Variants in MCF2L observed in about 807,000 individuals in gnomAD.
The protein encoded by MCF2L is guanine nucleotide exchange factor DBS.
MCF2L carries 97 observed loss-of-function variants against 153.4 expected under a neutral mutation model. The observed-to-expected ratio is 0.63, with a 90% CI of 0.54 to 0.75. The LOEUF (loss-of-function observed/expected upper bound fraction) is 0.75. Among genes scored for constraint, MCF2L ranks in the 30% least tolerant of loss-of-function variants. MCF2L has a pLI of 0.00. For synonymous variants in MCF2L, 659 were observed against 632.2 expected (o/e 1.04, Z -0.64); for missense variants, 1,347 against 1,495.2 (o/e 0.90, Z 1.64).
chr13:113,076,800 A>G (rs1005588578), intron 12 of MCF2L, among the ~76,000 whole-genome samples: 4 of 152,192 alleles, frequency 2.6e-5, no homozygotes, highest in African/African-American at 9.6e-5. Context: ...ATGCCTGGGG[A>G]AGGCTGCAGG....
intron 1 of MCF2L, among the ~76,000 whole-genome samples, chr13:112,997,890 G>A (rs1046627056): frequency 1.8e-4 from 28 of 152,228 alleles, no homozygotes; most frequent in African/African-American, 5.8e-4. Flanking sequence ...CTCCAGGCAG[G>A]GAGCACCTTC....
intron 5 of MCF2L, 53 bp downstream of exon 5, chr13:113,060,765 C>T: frequency 1.3e-6 from 2 of 1,597,394 alleles, no homozygotes; most frequent in Non-Finnish European, 1.7e-6. Context: ...TCATTGCCGT[C>T]CTGGCCCATC....
At chr13:112,957,291 T>A (rs1423967647) in intron 2 of MCF2L, 2 of 152,216 alleles carry the variant, frequency 1.3e-5, no homozygotes, top group Non-Finnish European at 2.9e-5. Context: ...CCTGGTTTCC[T>A]TTTAGAGGAC....
rs115840877 is a variant in MCF2L, at chr13:113,002,208, G to A, written c.80-12555G>A. Among the ~76,000 whole-genome samples the A allele has an allele frequency of 2.5e-3, 387 of 152,300 alleles. 1 individual carries two copies. The highest frequency in any genetic ancestry group is 8.5e-3 in the African/African-American group (352 of 41,582). ...GGGAAGGTGTGCACGGGCCTTGCCC[G>A]ATGGATGGTTTAGGGCCATGGCCCT... On this transcript the variant is annotated intron_variant, in intron 1 of 29. Coordinates refer to ENST00000535094, the MANE Select transcript of MCF2L (RefSeq NM_001112732.3).
In MCF2L at chr13:113,074,081, T is replaced by C. The variant is rs74115782; in HGVS notation, c.997-363T>C. Among the ~76,000 whole-genome samples, 6,144 of 152,288 alleles carry C rather than the reference T, an allele frequency of 0.04. 433 individuals carry two copies. The highest frequency in any genetic ancestry group is 0.14 in the African/African-American group (5,729 of 41,520). On this transcript the variant is annotated intron_variant, in intron 9 of 29. Coordinates refer to ENST00000535094, the MANE Select transcript of MCF2L (RefSeq NM_001112732.3). This position sits in a 1 kb window ranked among gnomAD's most constrained non-coding sequence, Gnocchi z 4.2. ...CCAGTAGGAATGCTGACAATTCCAG[T>C]GTCCATATTGCTGCTGGCTTTCGGC...
intron 1 of MCF2L, chr13:113,009,355 G>A (rs929269265): frequency 6.6e-6 from 1 of 152,272 alleles, no homozygotes. Context: ...TTAAGTCACT[G>A]TGTATGTGAC....
At chr13:112,989,572 A>G (rs12874193) in intron 1 of MCF2L, among the ~76,000 whole-genome samples, 1 of 14,768 alleles carries the variant, frequency 6.8e-5, no homozygotes. Context: ...CCTGAGCAGG[A>G]CATGGAGCTA....
upstream of MCF2L, chr13:112,894,373 CG>C (rs2081044768): frequency 6.6e-6 from 1 of 150,642 alleles, no homozygotes; most frequent in African/African-American, 2.5e-5. Context: ...TCAGGACGCG[CG>C]GACACCTGCG....
At chr13:113,029,628 T>C (rs2085520199) in intron 3 of MCF2L, among the ~76,000 whole-genome samples, 3 of 152,142 alleles carry the variant, frequency 2.0e-5, no homozygotes, top group African/African-American at 7.2e-5. Flanking sequence ...AAGTACCCTC[T>C]GCGGGGGACC....
intron 3 of MCF2L, among the ~76,000 whole-genome samples, chr13:113,030,982 C>T (rs1302780772): frequency 5.9e-5 from 9 of 151,958 alleles, no homozygotes; most frequent in East Asian, 3.9e-4. Context: ...CTATGGAGGG[C>T]GTACAGGGCA....
chr13:112,926,647 C>T (rs760235960), intron 2 of MCF2L, among the ~76,000 whole-genome samples: 2 of 152,120 alleles, frequency 1.3e-5, no homozygotes, highest in Admixed American at 6.5e-5. Flanking sequence ...AGGATGAAAC[C>T]GTATCATTTG....
In MCF2L at chr13:112,941,640, G is replaced by C. The variant is rs779459387; in HGVS notation, c.169+39269G>C. Among the ~76,000 whole-genome samples the C allele has an allele frequency of 6.6e-6, 1 of 151,886 alleles. No individual in the cohort carries two copies. Among genetic ancestry groups the C allele is most frequent in the African/African-American group, 2.4e-5 (1 of 41,350 alleles). ...CCTAAAACCATGGTCCACTGTGGGC[G>C]GCAAGCCACCCAGGTGCCGAGGCAA... is the stretch of plus-strand genomic sequence containing the variant. On this transcript the variant is annotated intron_variant, in intron 2 of 29. Coordinates refer to the MCF2L transcript ENST00000375608. This position sits in a 1 kb window ranked among gnomAD's most constrained non-coding sequence, Gnocchi z 4.9.
chr13:112,999,889 C>G (rs115403423), intron 1 of MCF2L, among the ~76,000 whole-genome samples: 3,247 of 152,278 alleles, frequency 0.021, 93 homozygotes, highest in East Asian at 0.094. Flanking sequence ...CCTGCAGGCC[C>G]CAGAGCACAG....
chr13:113,096,043 T>G, intron 27 of MCF2L: 1 of 458,062 alleles, frequency 2.2e-6, no homozygotes, highest in Non-Finnish European at 3.9e-6. Flanking sequence ...AGCATGGAAA[T>G]AAGACCTGAA....
intron 13 of MCF2L, among the ~76,000 whole-genome samples, 170 bp downstream of exon 13, chr13:113,077,381 C>T (rs1249114735): frequency 6.6e-6 from 1 of 152,210 alleles, no homozygotes; most frequent in Non-Finnish European, 1.5e-5. Context: ...TCCCGCCACC[C>T]CTCACCCATG....
chr13:112,980,964 C>T (rs1456261056), intron 1 of MCF2L, among the ~76,000 whole-genome samples: 3 of 152,208 alleles, frequency 2.0e-5, no homozygotes, highest in Non-Finnish European at 2.9e-5. Flanking sequence ...GGGACCCCAA[C>T]ACATCCCCTT....
intron 1 of MCF2L, among the ~76,000 whole-genome samples, chr13:112,898,719 C>A (rs1249977084): frequency 6.6e-6 from 1 of 152,214 alleles, no homozygotes; most frequent in Non-Finnish European, 1.5e-5. Flanking sequence ...CTCCCTGCCC[C>A]CCAAGTCCCT....
intron 1 of MCF2L, among the ~76,000 whole-genome samples, chr13:112,997,461 G>C (rs1225957268): frequency 6.6e-6 from 1 of 152,182 alleles, no homozygotes; most frequent in Non-Finnish European, 1.5e-5. Flanking sequence ...GGGGGCATGG[G>C]TGTCACTGAC....
intron 1 of MCF2L, among the ~76,000 whole-genome samples, chr13:112,992,148 G>A (rs145677472): frequency 3.0e-4 from 46 of 152,274 alleles, no homozygotes; most frequent in African/African-American, 1.1e-3. Context: ...TTCAAGCTAC[G>A]TGTATGAGGT....
Sources: allele counts gnomAD v4.1 joint callset (sites outside exome capture counted in the v4.1 genomes callset), GRCh38; gene constraint gnomAD v4.1.1; non-coding constraint Gnocchi (gnomAD v3.1); transcripts MANE v1.5; gene names NCBI Gene and HGNC (gene_info 2026-07-23, HGNC 2026-07-21).